The following GRID2 variants were observed in gnomAD, a reference collection of about 807,000 sequenced individuals.
The protein encoded by GRID2 is glutamate receptor ionotropic, delta-2.
A neutral mutation model predicts 114.8 loss-of-function variants in GRID2; 33 were observed. That is an observed-to-expected ratio of 0.29 (90% CI 0.22 to 0.38). The LOEUF (loss-of-function observed/expected upper bound fraction) is 0.38. Among genes scored for constraint, GRID2 ranks in the 10% least tolerant of loss-of-function variants. The pLI, the probability that GRID2 is intolerant of heterozygous loss-of-function variation, is 1.00. For synonymous variants in GRID2, 505 were observed against 449.9 expected (o/e 1.12, Z -1.55); for missense variants, 1,184 against 1,257.7 (o/e 0.94, Z 0.89).
intron 1 of GRID2, among the ~76,000 whole-genome samples, chr4:92,341,965 A>G (rs977152780): frequency 2.6e-5 from 4 of 151,964 alleles, no homozygotes; most frequent in African/African-American, 9.7e-5. Context: ...CAAGATGGTC[A>G]TCCATTGTAC....
At chr4:92,766,485 C>G (rs184652699) in intron 2 of GRID2, among the ~76,000 whole-genome samples, 7 of 145,060 alleles carry the variant, frequency 4.8e-5, no homozygotes, top group Non-Finnish European at 8.9e-5. Flanking sequence ...TGCGGTGAGC[C>G]GAGATAGTGC....
At chr4:92,382,755 A>C (rs1378585181) in intron 1 of GRID2, among the ~76,000 whole-genome samples, 2 of 151,940 alleles carry the variant, frequency 1.3e-5, no homozygotes, top group Non-Finnish European at 2.9e-5. Flanking sequence ...TATATATTTT[A>C]TGTGTAGAAA....
chr4:93,118,183 A>T (rs1293489456), intron 4 of GRID2, among the ~76,000 whole-genome samples: 1 of 152,120 alleles, frequency 6.6e-6, no homozygotes, highest in Non-Finnish European at 1.5e-5. Flanking sequence ...GCTACCTCTG[A>T]TCAAGCGTCA....
chr4:93,502,623 C>T (rs1333854881), intron 12 of GRID2, among the ~76,000 whole-genome samples: 2 of 151,804 alleles, frequency 1.3e-5, no homozygotes, highest in Non-Finnish European at 1.5e-5. Flanking sequence ...TGTTTGACCC[C>T]ATCAATTCTC....
Position 92,843,178 on chromosome 4 carries a change from G to T in GRID2, c.245-241817G>T, listed in dbSNP as rs569690198. Among the ~76,000 whole-genome samples, 3 of 152,080 alleles carry T rather than the reference G, an allele frequency of 2.0e-5. No homozygotes were observed. The East Asian group carries it at 5.8e-4, about 30-fold the overall frequency. The stretch of plus-strand genomic sequence containing the variant: ...AATCGCTTGAACCAGGGAGGTAGAG[G>T]GTGAAATAAGCTGTGATTGCACCAC... On this transcript the variant is annotated intron_variant, in intron 2 of 15. Transcript: ENST00000282020.
chr4:93,229,161 G>T (rs6851775), intron 7 of GRID2, among the ~76,000 whole-genome samples: 4 of 150,302 alleles, frequency 2.7e-5, no homozygotes, highest in Admixed American at 6.6e-5. Flanking sequence ...TGGATTTTTA[G>T]AAAAAAAAAT....
chr4:93,536,471 A>G lies in GRID2; in HGVS notation c.2193+21060A>G, dbSNP rs116706722. The stretch of plus-strand genomic sequence containing the variant: ...CAATGGAGAAGGGAAAGTCTCTTTA[A>G]TAGTGTTAGGAGAACTGGATATCCA... On this transcript the variant is annotated intron_variant, in intron 13 of 15. Coordinates refer to ENST00000282020, the MANE Select transcript of GRID2 (RefSeq NM_001510.4). Among the ~76,000 whole-genome samples, 1,008 of 151,976 alleles carry G rather than the reference A, an allele frequency of 6.6e-3. 12 individuals are homozygous for G. Among genetic ancestry groups the G allele is most frequent in the African/African-American group, 0.023 (949 of 41,544 alleles).
intron 2 of GRID2, among the ~76,000 whole-genome samples, chr4:93,042,470 A>G (rs1725656803): frequency 6.7e-6 from 1 of 148,468 alleles, no homozygotes; most frequent in Non-Finnish European, 1.5e-5. Flanking sequence ...AGGCTTTACT[A>G]GTGTCTCTGA....
chr4:93,340,565 T>C (rs1759546975), intron 8 of GRID2, among the ~76,000 whole-genome samples: 1 of 152,114 alleles, frequency 6.6e-6, no homozygotes, highest in Non-Finnish European at 1.5e-5. Flanking sequence ...ATTTTCAGTT[T>C]TTGGTTCCTT....
chr4:92,432,703 C>T (rs1390502911), intron 1 of GRID2, among the ~76,000 whole-genome samples: 1 of 152,162 alleles, frequency 6.6e-6, no homozygotes, highest in Non-Finnish European at 1.5e-5. Flanking sequence ...GGCCTGGAAT[C>T]AGGAACCCCA....
intron 1 of GRID2, among the ~76,000 whole-genome samples, chr4:92,581,094 G>A (rs1005354913): frequency 2.0e-5 from 3 of 151,352 alleles, no homozygotes; most frequent in Admixed American, 6.6e-5. Flanking sequence ...GAATCTTCAC[G>A]GATTCAGTAA....
chr4:92,754,559 G>A lies in GRID2; in HGVS notation c.244+164273G>A, dbSNP rs1019304861. Among the ~76,000 whole-genome samples the A allele has an allele frequency of 2.0e-5, 3 of 152,156 alleles. No homozygotes were observed. The South Asian group carries it at 6.2e-4, about 32-fold the overall frequency. ...ATGATACCGATCTCACCGTGGTGTTGTGGGGATTAAATGAATTATTATAAT... is the reference window on the plus strand; with the variant it reads ...ATGATACCGATCTCACCGTGGTGTTATGGGGATTAAATGAATTATTATAAT... On this transcript the variant is annotated intron_variant, in intron 2 of 15. Transcript: ENST00000282020.
At chr4:92,584,139 C>A (rs550936793) in intron 1 of GRID2, among the ~76,000 whole-genome samples, 1 of 151,824 alleles carries the variant, frequency 6.6e-6, no homozygotes, top group Non-Finnish European at 1.5e-5. Flanking sequence ...ACATGCTTAA[C>A]ATTTTTTCTC....
At chr4:93,241,310 CTTCTT>C (rs1303528034) in intron 8 of GRID2, among the ~76,000 whole-genome samples, 3 of 151,594 alleles carry the variant, frequency 2.0e-5, no homozygotes, top group South Asian at 2.1e-4. Flanking sequence ...GTTTTTGCCT[CTTCTT>C]TTGTTATTTT....
At chr4:93,021,489 T>G (rs1723281988) in intron 2 of GRID2, among the ~76,000 whole-genome samples, 1 of 148,016 alleles carries the variant, frequency 6.8e-6, no homozygotes, top group African/African-American at 2.4e-5. Context: ...GAAATCCATC[T>G]GCTAAATATA....
chr4:92,568,437 G>C (rs1448084874), intron 1 of GRID2, among the ~76,000 whole-genome samples: 1 of 151,764 alleles, frequency 6.6e-6, no homozygotes, highest in East Asian at 1.9e-4. Flanking sequence ...GTTTTTTGTT[G>C]GTTCCTCAGA....
chr4:93,042,771 A>G (rs1725724707), intron 2 of GRID2, among the ~76,000 whole-genome samples: 1 of 150,222 alleles, frequency 6.7e-6, no homozygotes, highest in South Asian at 2.1e-4. Context: ...CCTAGCAACT[A>G]TTTTAGCTCA....
chr4:92,493,952 G>C (rs1382860847), intron 1 of GRID2, among the ~76,000 whole-genome samples: 1 of 152,076 alleles, frequency 6.6e-6, no homozygotes, highest in Non-Finnish European at 1.5e-5. Context: ...AATATGATTT[G>C]AAGAAACAAA....
Position 93,460,796 on chromosome 4 carries a change from A to G in GRID2, c.1858+4822A>G, listed in dbSNP as rs115654687. Among the ~76,000 whole-genome samples the G allele has an allele frequency of 8.1e-3, 1,235 of 152,280 alleles. 20 individuals are homozygous for G. The highest frequency in any genetic ancestry group is 0.028 in the African/African-American group (1,180 of 41,564). ...GTTTATTAGATTATAGTCTCAAATA[A>G]AACACTAAAATTATCCACAAATGAC... On this transcript the variant is annotated intron_variant, in intron 11 of 15. Transcript: ENST00000282020.
Sources: allele counts gnomAD v4.1 joint callset (sites outside exome capture counted in the v4.1 genomes callset), GRCh38; gene constraint gnomAD v4.1.1; transcripts MANE v1.5; gene names NCBI Gene and HGNC (gene_info 2026-07-23, HGNC 2026-07-21).